SPOCK3: variants seen among roughly 807,000 people sequenced by gnomAD.
SPOCK3 encodes SPARC (osteonectin), cwcv and kazal like domains proteoglycan 3.
A neutral mutation model predicts 56.6 loss-of-function variants in SPOCK3; 30 were observed. The ratio of observed to expected loss-of-function variants is 0.53; its 90% CI spans 0.40 to 0.72. The LOEUF is 0.72. SPOCK3 is among the 30% of genes least tolerant of loss of function. SPOCK3 has a pLI of 0.00. For missense variants in SPOCK3, 527 were observed against 530.0 expected, an observed-to-expected ratio of 0.99 and a Z score of 0.06; for synonymous variants, 196 against 183.3, an observed-to-expected ratio of 1.07 and a Z score of -0.56.
chr4:166,956,825 G>C (rs1333760994), intron 4 of SPOCK3, among the ~76,000 whole-genome samples: 1 of 151,974 alleles, frequency 6.6e-6, no homozygotes, highest in Non-Finnish European at 1.5e-5. Context: ...AACTTACCCA[G>C]TTTAGAATCC....
At chr4:167,030,083 T>TTCTATCTATCTATCTA (rs59694023) in intron 3 of SPOCK3, among the ~76,000 whole-genome samples, 1,637 of 141,446 alleles carry the variant, frequency 0.012, 20 homozygotes, top group South Asian at 0.029. Flanking sequence ...TAATGGCTCA[T>TTCTATCTATCTATCTA]TCTATCTATC....
chr4:167,025,163 G>C (rs891470046), intron 3 of SPOCK3, among the ~76,000 whole-genome samples: 1 of 151,120 alleles, frequency 6.6e-6, no homozygotes, highest in Non-Finnish European at 1.5e-5. Context: ...TTCTGCTCAT[G>C]TTCTTTGGCC....
At chr4:167,134,538 T>C (rs1287656979) in intron 2 of SPOCK3, among the ~76,000 whole-genome samples, 4 of 152,198 alleles carry the variant, frequency 2.6e-5, no homozygotes. Context: ...ATTCATATTA[T>C]GGCTTTACCA....
intron 2 of SPOCK3, among the ~76,000 whole-genome samples, chr4:167,230,403 T>C (rs1482201537): frequency 6.6e-6 from 1 of 151,692 alleles, no homozygotes; most frequent in Non-Finnish European, 1.5e-5. Flanking sequence ...AATGAATCCT[T>C]TACTCCTGCT....
At chr4:167,202,276 G>T (rs370600867) in intron 2 of SPOCK3, among the ~76,000 whole-genome samples, 1 of 151,804 alleles carries the variant, frequency 6.6e-6, no homozygotes, top group Non-Finnish European at 1.5e-5. Context: ...AGCAGCAACT[G>T]CAATCTATTA....
chr4:167,212,558 CCTCTGAA>C (rs898275417), intron 2 of SPOCK3, among the ~76,000 whole-genome samples: 1 of 152,022 alleles, frequency 6.6e-6, no homozygotes, highest in African/African-American at 2.4e-5. Flanking sequence ...TATTCTTATA[CCTCTGAA>C]TATAGACAGA....
intron 2 of SPOCK3, among the ~76,000 whole-genome samples, chr4:167,124,237 T>C (rs1218619428): frequency 6.6e-6 from 1 of 152,232 alleles, no homozygotes; most frequent in Non-Finnish European, 1.5e-5. Context: ...AGGGACTTCA[T>C]CTGGTCTTAT....
chr4:166,779,491 A>G (rs1036384704), intron 7 of SPOCK3, among the ~76,000 whole-genome samples: 16 of 152,126 alleles, frequency 1.1e-4, no homozygotes, highest in African/African-American at 3.6e-4. Flanking sequence ...AATGACAGTA[A>G]CAAAAAAAAC....
intron 2 of SPOCK3, among the ~76,000 whole-genome samples, chr4:167,069,760 GATGCTAA>G (rs1379396245): frequency 6.6e-6 from 1 of 151,958 alleles, no homozygotes. Flanking sequence ...CTGAGTACCT[GATGCTAA>G]ATGCTGGCTT....
In SPOCK3 at chr4:166,916,176, C is replaced by G. The variant is rs1015336831; in HGVS notation, c.351-3433G>C. 1.4e-4 allele frequency among the ~76,000 whole-genome samples: 21 copies of G among 148,774 alleles called. No homozygotes were observed. The East Asian group carries it at 4.1e-3, about 29-fold the overall frequency. On this transcript the variant is annotated intron_variant, in intron 4 of 10. Coordinates refer to ENST00000357545, the MANE Select transcript of SPOCK3 (RefSeq NM_001040159.2). Reference sequence around the variant, plus strand: ...ATAACATATAATAAACTCAAGTTTTCTTTTTTTTTTCCTCAGAATCATTCG... The same window carrying G: ...ATAACATATAATAAACTCAAGTTTTGTTTTTTTTTTCCTCAGAATCATTCG...
intron 2 of SPOCK3, among the ~76,000 whole-genome samples, chr4:167,095,780 T>A (rs1213316820): frequency 2.0e-5 from 3 of 151,720 alleles, no homozygotes. Context: ...TATATATATA[T>A]ATATGTGCAC....
chr4:167,230,543 AC>A (rs202114122), intron 2 of SPOCK3, among the ~76,000 whole-genome samples: 2,707 of 149,698 alleles, frequency 0.018, 48 homozygotes, highest in Non-Finnish European at 0.029. Context: ...CAGTATATCT[AC>A]TGAATATATA....
At chr4:167,182,244 A>G (rs1731533038) in intron 2 of SPOCK3, among the ~76,000 whole-genome samples, 1 of 152,096 alleles carries the variant, frequency 6.6e-6, no homozygotes, top group East Asian at 1.9e-4. Context: ...CCCTCAAAGT[A>G]CAACCACAGA....
chr4:166,988,865 G>T (rs990059293), intron 4 of SPOCK3, among the ~76,000 whole-genome samples: 2 of 151,948 alleles, frequency 1.3e-5, no homozygotes, highest in Admixed American at 6.6e-5. Flanking sequence ...CAATAAGCAG[G>T]TATTGTTATT....
intron 5 of SPOCK3, among the ~76,000 whole-genome samples, chr4:166,891,454 C>T (rs889443562): frequency 1.3e-5 from 2 of 151,844 alleles, no homozygotes; most frequent in Admixed American, 6.6e-5. Context: ...AAATTCTTAA[C>T]GAGCCCTGCA....
chr4:166,748,438 C>G (rs143536941), intron 8 of SPOCK3, among the ~76,000 whole-genome samples: 97,509 of 135,316 alleles, frequency 0.72, 40,170 homozygotes, highest in South Asian at 0.78. Flanking sequence ...GCCATATGTA[C>G]AAAGCTGAAA....
At chr4:167,090,026 C>G (rs566719944) in intron 2 of SPOCK3, among the ~76,000 whole-genome samples, 7 of 152,256 alleles carry the variant, frequency 4.6e-5, no homozygotes, top group African/African-American at 1.7e-4. Context: ...ATCCTTTCGG[C>G]AGCTGCACAT....
At chr4:167,181,879 T>G (rs1731489203) in intron 2 of SPOCK3, among the ~76,000 whole-genome samples, 1 of 152,200 alleles carries the variant, frequency 6.6e-6, no homozygotes, top group South Asian at 2.1e-4. Context: ...AATACACATT[T>G]TTGTTCCTAT....
chr4:167,208,295 CA>C (rs1273304500), intron 2 of SPOCK3, among the ~76,000 whole-genome samples: 1 of 152,046 alleles, frequency 6.6e-6, no homozygotes, highest in Non-Finnish European at 1.5e-5. Context: ...ACAGAGGTAA[CA>C]TTTGTTTCAA....
Sources: allele counts gnomAD v4.1 joint callset (sites outside exome capture counted in the v4.1 genomes callset), GRCh38; gene constraint gnomAD v4.1.1; transcripts MANE v1.5; gene names NCBI Gene and HGNC (gene_info 2026-07-23, HGNC 2026-07-21).